The following CD99 variants were observed in gnomAD, a reference collection of about 807,000 sequenced individuals.
CD99 encodes CD99 molecule (Xg blood group).
In CD99, 19 loss-of-function variants were observed where a neutral mutation model predicts 28.4. That is an observed-to-expected ratio of 0.67 (90% CI 0.47 to 0.98). The LOEUF (loss-of-function observed/expected upper bound fraction) is 0.98. Among genes scored for constraint, CD99 ranks in the 50% least tolerant of loss-of-function variants. The probability of loss-of-function intolerance (pLI) is 0.00; values close to 1 mark genes in which losing one functional copy is unlikely to be tolerated. For synonymous variants in CD99, 103 were observed against 92.1 expected, an observed-to-expected ratio of 1.12 and a Z score of -0.67; for missense variants, 283 against 248.8, an observed-to-expected ratio of 1.14 and a Z score of -0.92.
rs1404704456 is a variant in CD99, at chrX:2,720,387, G to A, written c.225G>A (p.Pro75=). ...CACGACCACCGAACCCACCCAAACC[G>A]ATGCCAAATCCAAACCCCAACCACC... ...DDPRPPNPPK[P]MPNPNPNHPS... Residue 75 remains proline, a synonymous_variant, in exon 5 of 10, where the codon CCG becomes CCA. Coordinates refer to ENST00000381192, the MANE Select transcript of CD99 (RefSeq NM_002414.5). 5.0e-6 allele frequency: 8 copies of A among 1,613,476 alleles called. No homozygotes were observed. The highest frequency in any genetic ancestry group is 4.5e-5 in the East Asian group (2 of 44,878).
chrX:2,715,223 G>T (rs1324424272), intron 2 of CD99: 1 of 152,164 alleles, frequency 6.6e-6, no homozygotes, highest in Admixed American at 6.5e-5. Context: ...TCAGCTTCTG[G>T]GTCTTGTCAT....
chrX:2,729,949 T>TGG (rs1186512293), intron 8 of CD99, among the ~76,000 whole-genome samples: 1 of 152,044 alleles, frequency 6.6e-6, no homozygotes, highest in Admixed American at 6.6e-5. Flanking sequence ...GCCCAGGAGT[T>TGG]CAAGATCAGC....
rs766408221 is a variant in CD99, at chrX:2,719,694, A to T, written c.182A>T (p.Asp61Val). 1 of 1,613,708 alleles carries T rather than the reference A, an allele frequency of 6.2e-7. No homozygotes were observed. The highest frequency in any genetic ancestry group is 8.5e-7 in the Non-Finnish European group (1 of 1,179,776). ...DDFDLGDAVVDGENDDPRPPN... is the reference protein window; with the variant it reads ...DDFDLGDAVVVGENDDPRPPN... ...TTTGACTTAGGAGATGCTGTTGTTGATGGAGAAAATGGTGAGTATTTTCCT... is the reference window on the plus strand; with the variant it reads ...TTTGACTTAGGAGATGCTGTTGTTGTTGGAGAAAATGGTGAGTATTTTCCT... The change falls in exon 4 of 10, where the codon GAT (aspartate) becomes GTT (valine). Residue 61 changes from aspartate (D) to valine (V), a missense_variant. By Grantham distance (152) the Asp-to-Val change is radical. Coordinates refer to ENST00000381192, the MANE Select transcript of CD99 (RefSeq NM_002414.5).
At chrX:2,691,602 T>TC in intron 1 of CD99, 175 bp downstream of exon 1, 1 of 738,504 alleles carries the variant, frequency 1.4e-6, no homozygotes, top group Non-Finnish European at 2.4e-6. Flanking sequence ...GCCCACTTTC[T>TC]CCCCAACGCT....
At chrX:2,708,633 G>GT (rs1400430105) in intron 1 of CD99, among the ~76,000 whole-genome samples, 2 of 152,182 alleles carry the variant, frequency 1.3e-5, no homozygotes, top group African/African-American at 4.8e-5. Flanking sequence ...CAAGCTCCAA[G>GT]TGCGGGGCTG....
At chrX:2,692,761 G>A (rs1009605883) in intron 1 of CD99, among the ~76,000 whole-genome samples, 2 of 152,186 alleles carry the variant, frequency 1.3e-5, no homozygotes, top group African/African-American at 4.8e-5. Context: ...AGATGAACGG[G>A]TTTTTCACTT....
intron 1 of CD99, among the ~76,000 whole-genome samples, chrX:2,708,025 T>C (rs1470930274): frequency 6.6e-6 from 1 of 152,190 alleles, no homozygotes; most frequent in Non-Finnish European, 1.5e-5. Flanking sequence ...ATTCCTTTAC[T>C]GACTGATGAT....
intron 1 of CD99, among the ~76,000 whole-genome samples, chrX:2,703,605 AGTGTGTGTGTGTGTGTGTGTGT>A (rs556444956): frequency 2.9e-5 from 4 of 138,492 alleles, no homozygotes; most frequent in Admixed American, 1.5e-4. Context: ...CGAGCTGTTA[AGTGTGTGTGTGTGTGTGTGTGT>A]GTGTGTGTGT....
intron 1 of CD99, among the ~76,000 whole-genome samples, chrX:2,703,579 G>A (rs2047971895): frequency 6.7e-6 from 1 of 150,118 alleles, no homozygotes; most frequent in Non-Finnish European, 1.5e-5. Context: ...GAATAACAAA[G>A]CTGTAATTAA....
chrX:2,711,291 G>C (rs912657677), intron 1 of CD99, among the ~76,000 whole-genome samples: 9 of 147,238 alleles, frequency 6.1e-5, no homozygotes, highest in African/African-American at 2.2e-4. Flanking sequence ...TATATAGTAT[G>C]TATATATAGT....
At chrX:2,719,497 A>G in intron 3 of CD99, 164 bp from the exon 4 acceptor site, 1 of 684,038 alleles carries the variant, frequency 1.5e-6, no homozygotes, top group South Asian at 1.8e-5. Context: ...GTGATGTAAA[A>G]ATGGTCAGGA....
chrX:2,714,773 T>TG, intron 2 of CD99: 1 of 294,218 alleles, frequency 3.4e-6, no homozygotes, highest in Admixed American at 5.0e-5. Flanking sequence ...GCCACAGGGT[T>TG]GCTGCAGGCC....
chrX:2,733,624 A>G, intron 8 of CD99: 1 of 529,024 alleles, frequency 1.9e-6, no homozygotes, highest in Non-Finnish European at 3.4e-6. Flanking sequence ...CAGAAAATGA[A>G]GAGAAATGCA....
intron 9 of CD99, 150 bp downstream of exon 9, chrX:2,738,406 G>C: frequency 1.3e-6 from 1 of 756,218 alleles, no homozygotes; most frequent in South Asian, 1.6e-5. Context: ...TGCTTTGGAG[G>C]GATACTTTCA....
intron 3 of CD99, among the ~76,000 whole-genome samples, chrX:2,718,661 A>T (rs1355639360): frequency 6.6e-6 from 1 of 151,928 alleles, no homozygotes; most frequent in Non-Finnish European, 1.5e-5. Context: ...GAGCCACCAC[A>T]CCCAGCCCTC....
chrX:2,696,440 C>G (rs1220367097), intron 1 of CD99, among the ~76,000 whole-genome samples: 1 of 152,048 alleles, frequency 6.6e-6, no homozygotes, highest in East Asian at 1.9e-4. Flanking sequence ...CGCTCTTTTT[C>G]CCCAGGCTGG....
At chrX:2,704,683 A>G (rs1187081561) in intron 1 of CD99, among the ~76,000 whole-genome samples, 2 of 152,048 alleles carry the variant, frequency 1.3e-5, no homozygotes, top group Non-Finnish European at 2.9e-5. Context: ...TCAACCTCCC[A>G]AAGTGTTGGG....
chrX:2,727,115 C>T (rs1208116103), intron 8 of CD99, among the ~76,000 whole-genome samples: 8 of 152,150 alleles, frequency 5.3e-5, no homozygotes, highest in African/African-American at 9.7e-5. Flanking sequence ...CCAGCCTGGG[C>T]GACAGAGTGA....
chrX:2,698,167 CT>C (rs372713317), intron 1 of CD99, among the ~76,000 whole-genome samples: 1 of 149,424 alleles, frequency 6.7e-6, no homozygotes, highest in Admixed American at 6.7e-5. Flanking sequence ...GGCTTGCAAT[CT>C]TTTTTTTTCT....
Sources: allele counts gnomAD v4.1 joint callset (sites outside exome capture counted in the v4.1 genomes callset), GRCh38; gene constraint gnomAD v4.1.1; transcripts MANE v1.5; gene names NCBI Gene and HGNC (gene_info 2026-07-23, HGNC 2026-07-21).